The following NOVA1 variants were observed in gnomAD, a reference collection of about 807,000 sequenced individuals.
NOVA1 encodes the protein NOVA alternative splicing regulator 1.
In NOVA1, 7 loss-of-function variants were observed where a neutral mutation model predicts 38.0. The observed-to-expected ratio is 0.18, with a 90% confidence interval of 0.10 to 0.35. The LOEUF (loss-of-function observed/expected upper bound fraction) is 0.35, where lower values mean the gene tolerates loss of function less well. NOVA1 is among the 10% of genes least tolerant of loss of function. The pLI is 1.00. For synonymous variants in NOVA1, 270 were observed against 232.5 expected, an observed-to-expected ratio of 1.16 and a Z score of -1.47; for missense variants, 460 against 616.0, an observed-to-expected ratio of 0.75 and a Z score of 2.68.
intron 3 of NOVA1, among the ~76,000 whole-genome samples, chr14:26,473,992 C>T (rs1013949192): frequency 1.3e-5 from 2 of 151,936 alleles, no homozygotes; most frequent in Non-Finnish European, 2.9e-5. Context: ...CCATGCAATA[C>T]TTTGCTGAGA....
intron 4 of NOVA1, among the ~76,000 whole-genome samples, chr14:26,450,680 T>C (rs993310019): frequency 2.0e-5 from 3 of 152,150 alleles, no homozygotes; most frequent in African/African-American, 7.2e-5. Context: ...TACAAAATTA[T>C]TTGTCTGAAA....
At chr14:26,495,773 T>G (rs577448096) in intron 2 of NOVA1, among the ~76,000 whole-genome samples, 1 of 148,026 alleles carries the variant, frequency 6.8e-6, no homozygotes, top group African/African-American at 2.4e-5. Flanking sequence ...TGTGATAGTT[T>G]ACTGAGAATG....
intron 2 of NOVA1, among the ~76,000 whole-genome samples, chr14:26,530,002 C>T (rs1316064090): frequency 1.3e-5 from 2 of 152,144 alleles, no homozygotes; most frequent in African/African-American, 4.8e-5. Flanking sequence ...TCACTGCAAG[C>T]TCCGCCTCCC....
chr14:26,534,211 A>G (rs1331875676), intron 2 of NOVA1, among the ~76,000 whole-genome samples: 6 of 152,192 alleles, frequency 3.9e-5, no homozygotes, highest in Non-Finnish European at 8.8e-5. Flanking sequence ...TATATTGAAA[A>G]ACTGATATAC....
chr14:26,583,587 A>G (rs1247211937), intron 2 of NOVA1, among the ~76,000 whole-genome samples: 1 of 151,584 alleles, frequency 6.6e-6, no homozygotes, highest in Non-Finnish European at 1.5e-5. Flanking sequence ...AAATCAGTAT[A>G]AAATGCAAGA....
At chr14:26,547,185 TTAAG>T (rs1440033348) in intron 2 of NOVA1, among the ~76,000 whole-genome samples, 1 of 152,272 alleles carries the variant, frequency 6.6e-6, no homozygotes, top group African/African-American at 2.4e-5. Context: ...TCCAAAATTA[TTAAG>T]TGAGTGCTAA....
intron 4 of NOVA1, chr14:26,470,609 G>A: frequency 1.4e-6 from 1 of 692,554 alleles, no homozygotes. Context: ...GATTTGGCAA[G>A]GGTAAATGTA....
chr14:26,530,588 G>A (rs1468543424), intron 2 of NOVA1, among the ~76,000 whole-genome samples: 1 of 152,060 alleles, frequency 6.6e-6, no homozygotes, highest in Non-Finnish European at 1.5e-5. Flanking sequence ...TACTTGCGCT[G>A]TTTATTCTAC....
In NOVA1 at chr14:26,463,197, G is replaced by T. The variant is rs547357607; in HGVS notation, c.519+9123C>A. On this transcript the variant is annotated intron_variant, in intron 4 of 4. Transcript: ENST00000539517. ...GGTTTCCAACTTTTATCATACATAC[G>T]TTCTTTTATTTGTTTCTAAGTATTG... Among the ~76,000 whole-genome samples, 5 of 152,128 alleles carry T rather than the reference G, an allele frequency of 3.3e-5. No individual in the cohort carries two copies. In the East Asian group the frequency reaches 9.7e-4, roughly 29 times the overall value.
chr14:26,577,033 C>T (rs1892898842), intron 2 of NOVA1, among the ~76,000 whole-genome samples: 2 of 151,934 alleles, frequency 1.3e-5, no homozygotes, highest in Admixed American at 1.3e-4. Flanking sequence ...CCCTGGTAAC[C>T]ACTATTCTAT....
At position 26,487,382 on chromosome 14, in the gene NOVA1, C is replaced by T. The variant is rs117710972; in HGVS notation, c.281-7239G>A. ...GTGACTTTTAACAGTAATCATCCTT[C>T]CTTATCTTCATAAGCCAATTTGTGA... On this transcript the variant is annotated intron_variant, in intron 2 of 4. Coordinates refer to ENST00000539517, the MANE Select transcript of NOVA1 (RefSeq NM_002515.3). Among the ~76,000 whole-genome samples, 870 of 152,136 alleles carry T rather than the reference C, an allele frequency of 5.7e-3. 6 individuals are homozygous for T. Among genetic ancestry groups the T allele is most frequent in the Middle Eastern group, 0.024 (7 of 294 alleles).
At chr14:26,463,327 G>A (rs1466265721) in intron 4 of NOVA1, among the ~76,000 whole-genome samples, 1 of 152,082 alleles carries the variant, frequency 6.6e-6, no homozygotes, top group South Asian at 2.1e-4. Flanking sequence ...CAGCACTTTA[G>A]ATTTATAAAC....
intron 2 of NOVA1, among the ~76,000 whole-genome samples, chr14:26,579,726 A>G (rs1047382233): frequency 1.3e-5 from 2 of 152,110 alleles, no homozygotes; most frequent in Non-Finnish European, 2.9e-5. Flanking sequence ...AATACTTGCT[A>G]AGGAATGGAA....
rs767293747 is a variant in NOVA1, at chr14:26,448,944, T to C, written c.539A>G (p.Asn180Ser). 1.3e-5 allele frequency: 21 copies of C among 1,611,982 alleles called. No homozygotes were observed. In the South Asian group the frequency reaches 2.0e-4, roughly 15 times the overall value. ...RANQVKIIVP[N>S]STAGLIIGKG... The stretch of plus-strand genomic sequence containing the variant: ...CCCTATTATCAGACCTGCTGTGCTG[T>C]TGGGAACTATAATCTTTACCTGTAA... The change falls in exon 5 of 5, where the codon AAC becomes AGC. Residue 180 changes from asparagine (N) to serine (S), a missense_variant. Transcript: ENST00000539517. The surrounding 1 kb of genome is among the most constrained non-coding windows in gnomAD (Gnocchi z 5.3).
At chr14:26,493,430 T>C (rs1477765178) in intron 2 of NOVA1, among the ~76,000 whole-genome samples, 1 of 152,226 alleles carries the variant, frequency 6.6e-6, no homozygotes, top group Non-Finnish European at 1.5e-5. Flanking sequence ...TCTCCTATCC[T>C]TGTCTCTTTT....
At chr14:26,509,246 A>G (rs1487981559) in intron 2 of NOVA1, among the ~76,000 whole-genome samples, 1 of 152,292 alleles carries the variant, frequency 6.6e-6, no homozygotes, top group South Asian at 2.1e-4. Flanking sequence ...AATGCTAGAC[A>G]ATGAAAGAAA....
At chr14:26,581,443 T>C (rs1286224137) in intron 2 of NOVA1, among the ~76,000 whole-genome samples, 5 of 151,992 alleles carry the variant, frequency 3.3e-5, no homozygotes, top group East Asian at 1.9e-4. Flanking sequence ...ATGAAGGCAA[T>C]TGAATCATTT....
In NOVA1 at chr14:26,536,521, A is replaced by T. The variant is rs529232601; in HGVS notation, c.281-56378T>A. Among the ~76,000 whole-genome samples the T allele has an allele frequency of 1.2e-3, 183 of 151,940 alleles. 1 individual carries two copies. Among genetic ancestry groups the T allele is most frequent in the Admixed American group, 4.5e-3 (68 of 15,250 alleles). On this transcript the variant is annotated intron_variant, in intron 2 of 4. Transcript: ENST00000539517. ...GTAGCCATAAAAATGTTAAAAAATT[A>T]AAAAAAATTTAAAAAGATATAGCTG...
At chr14:26,594,204 A>G (rs1228257357) in intron 2 of NOVA1, 1 of 152,024 alleles carries the variant, frequency 6.6e-6, no homozygotes, top group Admixed American at 6.5e-5. Flanking sequence ...TTTTAGTTTA[A>G]TAAGTTTAAT....
Sources: gnomAD v4.1 joint callset for allele counts (sites outside exome capture counted in the v4.1 genomes callset) on GRCh38, gnomAD v4.1.1 for gene constraint, Gnocchi (gnomAD v3.1) non-coding constraint, MANE v1.5 for transcripts, NCBI Gene and HGNC (gene_info 2026-07-23, HGNC 2026-07-21) for gene names.